The following GPRC5B variants were observed in gnomAD, a reference collection of about 807,000 sequenced individuals.
GPRC5B encodes the protein G protein-coupled receptor family C group 5 member B.
In GPRC5B, 16 loss-of-function variants were observed where a neutral mutation model predicts 30.1. The observed-to-expected ratio is 0.53, with a 90% confidence interval of 0.36 to 0.81. The LOEUF is 0.81. Ranked by LOEUF, GPRC5B falls within the 30% of genes least tolerant of loss-of-function variation. GPRC5B has a pLI of 0.01. For missense variants in GPRC5B, 428 were observed against 544.7 expected (o/e 0.79, Z 2.13); for synonymous variants, 241 against 239.5 (o/e 1.01, Z -0.06).
chr16:19,866,998 A>T (rs1018990508), intron 2 of GPRC5B, among the ~76,000 whole-genome samples: 1 of 152,196 alleles, frequency 6.6e-6, no homozygotes, highest in East Asian at 1.9e-4. Context: ...CATTTTTACA[A>T]GAAAGGATGT....
At chr16:19,878,135 G>A (rs1184063894) in intron 1 of GPRC5B, among the ~76,000 whole-genome samples, 1 of 151,282 alleles carries the variant, frequency 6.6e-6, no homozygotes, top group Non-Finnish European at 1.5e-5. Context: ...GGAGGCGGAG[G>A]TTGCAGTGAG....
At chr16:19,877,681 C>A (rs928445956) in intron 1 of GPRC5B, among the ~76,000 whole-genome samples, 1 of 152,224 alleles carries the variant, frequency 6.6e-6, no homozygotes, top group Non-Finnish European at 1.5e-5. Context: ...TAATGATCCA[C>A]ATTATAATTC....
chr16:19,879,490 G>T (rs2056786589), intron 1 of GPRC5B, among the ~76,000 whole-genome samples: 1 of 151,194 alleles, frequency 6.6e-6, no homozygotes, highest in Non-Finnish European at 1.5e-5. Context: ...GCCAGAAGCA[G>T]CTAGCAGGTG....
chr16:19,883,249 C>G (rs1284922990), intron 1 of GPRC5B, among the ~76,000 whole-genome samples: 2 of 143,392 alleles, frequency 1.4e-5, no homozygotes, highest in Non-Finnish European at 3.0e-5. Context: ...AACAAAACTG[C>G]CTGTCTTGCT....
intron 1 of GPRC5B, among the ~76,000 whole-genome samples, chr16:19,875,253 C>T (rs933068882): frequency 1.3e-5 from 2 of 152,182 alleles, no homozygotes; most frequent in African/African-American, 2.4e-5. Flanking sequence ...GCCAGCATTC[C>T]GCCCCAGCAT....
chr16:19,884,931 G>T (rs1166873627), upstream of GPRC5B: 1 of 889,892 alleles, frequency 1.1e-6, no homozygotes, highest in Non-Finnish European at 1.3e-6. Flanking sequence ...CCCCGCCCCC[G>T]CCCCCGGCCG....
chr16:19,882,351 G>C (rs931699837), intron 1 of GPRC5B: 45 of 152,218 alleles, frequency 3.0e-4, no homozygotes, highest in African/African-American at 1.0e-3. Flanking sequence ...TTGGCTGCCC[G>C]ATCCACAGTG....
intron 3 of GPRC5B, among the ~76,000 whole-genome samples, chr16:19,861,087 TAAAA>T (rs3067833): frequency 2.1e-5 from 2 of 93,398 alleles, no homozygotes; most frequent in East Asian, 4.1e-4. Flanking sequence ...CTGATTTACA[TAAAA>T]AAAAAAAAAA....
In GPRC5B at chr16:19,858,896, G is replaced by C; in HGVS notation, c.*1604C>G. The C allele has an allele frequency of 4.8e-6, 1 of 208,752 alleles. No homozygotes were observed. 12.9% of individuals were successfully genotyped at this position (208,752 alleles called of 1,614,324 possible). On this transcript the variant is annotated 3_prime_UTR_variant, in exon 4 of 4. Coordinates refer to ENST00000300571, the MANE Select transcript of GPRC5B (RefSeq NM_016235.3). ...AACTCGAAGGCGGGTCACACAGGGA[G>C]GGCCAGATTGGCCTTACTTTCCCCA...
chr16:19,869,104 G>A (rs1037537569), intron 2 of GPRC5B, among the ~76,000 whole-genome samples: 3 of 152,026 alleles, frequency 2.0e-5, no homozygotes, highest in Non-Finnish European at 2.9e-5. Context: ...CAAGGCAGGC[G>A]GATCACATGA....
At chr16:19,878,915 G>C (rs1466899472) in intron 1 of GPRC5B, among the ~76,000 whole-genome samples, 1 of 152,142 alleles carries the variant, frequency 6.6e-6, no homozygotes, top group African/African-American at 2.4e-5. Flanking sequence ...GATTCTCAGG[G>C]CGTGGGTCCA....
At chr16:19,881,222 T>A (rs1468597636) in intron 1 of GPRC5B, among the ~76,000 whole-genome samples, 1 of 152,102 alleles carries the variant, frequency 6.6e-6, no homozygotes, top group Non-Finnish European at 1.5e-5. Context: ...GGTCTCTTCA[T>A]CTGTAAAATG....
At chr16:19,885,484 C>T, upstream of GPRC5B, 1 of 1,138,090 alleles carries the variant, frequency 8.8e-7, no homozygotes, top group Non-Finnish European at 1.1e-6. This position sits in a 1 kb window ranked among gnomAD's most constrained non-coding sequence, Gnocchi z 5.3. Context: ...TCCGTTTACG[C>T]ACACTGGGAC....
At chr16:19,885,592 C>T, upstream of GPRC5B, 2 of 1,048,514 alleles carry the variant, frequency 1.9e-6, no homozygotes, top group South Asian at 5.7e-5. This position sits in a 1 kb window ranked among gnomAD's most constrained non-coding sequence, Gnocchi z 5.3. Context: ...CTACCGCACA[C>T]ATCACCCACG....
chr16:19,874,603 G>A (rs724614), intron 1 of GPRC5B: 92,646 of 152,092 alleles, frequency 0.61, 28,586 homozygotes, highest in African/African-American at 0.69. Context: ...GGGACTGTGC[G>A]TTGCAGGATG....
intron 1 of GPRC5B, among the ~76,000 whole-genome samples, chr16:19,877,656 G>A (rs1000417351): frequency 1.3e-5 from 2 of 152,108 alleles, no homozygotes; most frequent in Non-Finnish European, 1.5e-5. Context: ...TGTGTACTTC[G>A]CGTATATTAA....
rs2056603324 is a variant in GPRC5B, at chr16:19,859,544, ACAT to A, written c.*953_*955del. 6.6e-6 allele frequency: 1 copy of A among 152,290 alleles called. No individual in the cohort carries two copies. Among genetic ancestry groups the A allele is most frequent in the South Asian group, 2.1e-4 (1 of 4,832 alleles). 9.4% of individuals were successfully genotyped at this position (152,290 alleles called of 1,614,324 possible). A position where few individuals can be genotyped will look rare whatever the true frequency, so the allele number is the denominator to read the frequency against. On this transcript the variant is annotated 3_prime_UTR_variant, in exon 4 of 4. Transcript: ENST00000300571. ...GGAACCCCTGAAGCCCTGCTAGGTG[ACAT>A]CATCGCGGAAAACCTGCCGTGGTGC... is the stretch of plus-strand genomic sequence containing the variant.
intron 1 of GPRC5B, among the ~76,000 whole-genome samples, chr16:19,880,672 T>G (rs529065274): frequency 3.9e-5 from 6 of 152,286 alleles, no homozygotes; most frequent in African/African-American, 1.4e-4. Flanking sequence ...AGGTAGAACC[T>G]AGGCCAGAGG....
chr16:19,857,079 C>T lies in GPRC5B; in HGVS notation c.*3421G>A, dbSNP rs1366852174. 1 of 178,256 alleles carries T rather than the reference C, an allele frequency of 5.6e-6. No individual in the cohort carries two copies. The highest frequency in any genetic ancestry group is 2.4e-5 in the African/African-American group (1 of 41,616). The allele number at this position is 178,256 out of a possible 1,614,324, so 11.0% of individuals were successfully genotyped here. On this transcript the variant is annotated 3_prime_UTR_variant, in exon 4 of 4. Transcript: ENST00000300571. ...CCCAACAAGATGAGACACTTAAACC[C>T]AGACAGATGTAACAAAGGATTTTTG...
Sources: allele counts gnomAD v4.1 joint callset (sites outside exome capture counted in the v4.1 genomes callset), GRCh38; gene constraint gnomAD v4.1.1; non-coding constraint Gnocchi (gnomAD v3.1); transcripts MANE v1.5; gene names NCBI Gene and HGNC (gene_info 2026-07-23, HGNC 2026-07-21).